The following FAM50B variants were observed in gnomAD, a reference collection of about 807,000 sequenced individuals.
The protein encoded by FAM50B is family with sequence similarity 50 member B.
FAM50B carries 9 observed loss-of-function variants against 25.4 expected under a neutral mutation model. That is an observed-to-expected ratio of 0.35 (90% CI 0.21 to 0.62). The LOEUF is 0.62. Among genes scored for constraint, FAM50B ranks in the 20% least tolerant of loss-of-function variants. The pLI, the probability that FAM50B is intolerant of heterozygous loss-of-function variation, is 0.73. For synonymous variants in FAM50B, 212 were observed against 204.3 expected, an observed-to-expected ratio of 1.04 and a Z score of -0.32; for missense variants, 372 against 477.9, an observed-to-expected ratio of 0.78 and a Z score of 2.07.
the FAM50B span, among the ~76,000 whole-genome samples, chr6:3,835,379 G>A: frequency 2.0e-5 from 3 of 152,290 alleles, no homozygotes; most frequent in East Asian, 5.8e-4. Context: ...CCCCACTATT[G>A]CCCAACCCAG....
At chr6:3,833,751 C>A in the FAM50B span, 1 of 152,126 alleles carries the variant, frequency 6.6e-6, no homozygotes, top group African/African-American at 2.4e-5. Context: ...CATCATGTGG[C>A]CCTAAGGAGT....
In FAM50B at chr6:3,850,081, G is replaced by C. The variant is rs1762187296; in HGVS notation, c.270G>C (p.Lys90Asn). 6.2e-7 allele frequency: 1 copy of C among 1,610,244 alleles called. No individual in the cohort carries two copies. Among genetic ancestry groups the C allele is most frequent in the African/African-American group, 1.3e-5 (1 of 74,868 alleles). Reference sequence around the variant, plus strand: ...GGGAGCGCGAGCGGCAGCTGGCCAAGCGCCAGCACCTGGAGGAGCAGCGGC... The same window carrying C: ...GGGAGCGCGAGCGGCAGCTGGCCAACCGCCAGCACCTGGAGGAGCAGCGGC... ...LVRERERQLA[K>N]RQHLEEQRLQ... The change falls in exon 2 of 2, where the codon AAG becomes AAC. Residue 90 changes from lysine (K) to asparagine (N), a missense_variant. Lys to Asn is a moderately conservative substitution (Grantham distance 94). This residue lies in a region of FAM50B where 224 missense variants were observed against 232.2 expected (regional missense o/e 0.96). Coordinates refer to ENST00000648326, the MANE Select transcript of FAM50B (RefSeq NM_012135.3).
At chr6:3,835,547 C>A in the FAM50B span, among the ~76,000 whole-genome samples, 1 of 152,150 alleles carries the variant, frequency 6.6e-6, no homozygotes, top group African/African-American at 2.4e-5. Context: ...CTTCCACCCC[C>A]GCCACAAGAA....
chr6:3,837,493 G>C, the FAM50B span, among the ~76,000 whole-genome samples: 1 of 152,080 alleles, frequency 6.6e-6, no homozygotes, highest in African/African-American at 2.4e-5. Flanking sequence ...TTTGCCACTT[G>C]GTAAATGCAA....
chr6:3,840,552 G>A, the FAM50B span, among the ~76,000 whole-genome samples: 1 of 152,274 alleles, frequency 6.6e-6, no homozygotes, highest in African/African-American at 2.4e-5. Flanking sequence ...CTAACCAGCT[G>A]GTGTGTTGCA....
In FAM50B at chr6:3,850,729, C is replaced by T; in HGVS notation, c.918C>T (p.Pro306=). 6.2e-7 allele frequency: 1 copy of T among 1,614,070 alleles called. No individual in the cohort carries two copies. Among genetic ancestry groups the T allele is most frequent in the Non-Finnish European group, 8.5e-7 (1 of 1,180,028 alleles). The part of the protein sequence containing the change: ...SWYEKNKHIF[P]ASRWEAYDPE... ...ACGAGAAGAACAAGCACATCTTCCC[C>T]GCCAGCCGCTGGGAGGCCTATGACC... is the stretch of plus-strand genomic sequence containing the variant. The change falls in exon 2 of 2, where the codon CCC becomes CCT. Residue 306 remains proline (P), a synonymous_variant. Transcript: ENST00000648326.
At chr6:3,839,024 T>C in the FAM50B span, among the ~76,000 whole-genome samples, 3 of 151,802 alleles carry the variant, frequency 2.0e-5, no homozygotes, top group Admixed American at 6.6e-5. Flanking sequence ...AAAATATAGG[T>C]ATGCATCAGA....
chr6:3,835,764 G>A, the FAM50B span, among the ~76,000 whole-genome samples: 28 of 152,172 alleles, frequency 1.8e-4, no homozygotes, highest in African/African-American at 6.5e-4. Flanking sequence ...GAAAACTTAC[G>A]TAACTTCCTC....
chr6:3,843,116 T>A, the FAM50B span, among the ~76,000 whole-genome samples: 429 of 152,366 alleles, frequency 2.8e-3, 3 homozygotes, highest in African/African-American at 9.3e-3. Flanking sequence ...GCATCCATAA[T>A]ACACTCTTCT....
upstream of FAM50B, among the ~76,000 whole-genome samples, chr6:3,846,558 A>G (rs1483351266): frequency 6.6e-6 from 1 of 152,212 alleles, no homozygotes; most frequent in Non-Finnish European, 1.5e-5. Context: ...TTCTTAAATC[A>G]ATATTGAGTT....
Position 3,849,376 on chromosome 6 carries a change from T to C in FAM50B, c.-134T>C. On this transcript the variant is annotated 5_prime_UTR_variant, in exon 1 of 2. Transcript: ENST00000648326. ...CGCCAGGGGGCGCACCGCCTCCACT[T>C]CCTGTGTCCACGGCTGTCGCGAGAG... 6.3e-6 allele frequency: 1 copy of C among 158,766 alleles called. No individual in the cohort carries two copies. The highest frequency in any genetic ancestry group is 1.4e-5 in the Non-Finnish European group (1 of 72,538). The allele number at this position is 158,766 out of a possible 1,614,324, so 9.8% of individuals were successfully genotyped here.
chr6:3,849,663 C>G, intron 1 of FAM50B, 126 bp from the exon 2 acceptor site: 1 of 1,359,170 alleles, frequency 7.4e-7, no homozygotes, highest in Non-Finnish European at 9.7e-7. Context: ...GTTACCCTAG[C>G]AGGTCGGCCC....
At chr6:3,839,968 TTTGTTG>T in the FAM50B span, among the ~76,000 whole-genome samples, 7,203 of 150,930 alleles carry the variant, frequency 0.048, 540 homozygotes, top group African/African-American at 0.16. Context: ...AAACCCTGTC[TTTGTTG>T]TTGTTGTTGT....
chr6:3,847,264 T>C (rs1351269977), upstream of FAM50B, among the ~76,000 whole-genome samples: 1 of 152,244 alleles, frequency 6.6e-6, no homozygotes, highest in Non-Finnish European at 1.5e-5. Context: ...TGGCATCTTC[T>C]TCCAATAGAA....
upstream of FAM50B, among the ~76,000 whole-genome samples, chr6:3,848,751 T>C (rs1762153927): frequency 6.6e-6 from 1 of 152,196 alleles, no homozygotes; most frequent in South Asian, 2.1e-4. Flanking sequence ...AAGACACTGC[T>C]ACACTTTAAC....
the FAM50B span, among the ~76,000 whole-genome samples, chr6:3,833,022 G>A: frequency 2.0e-4 from 31 of 152,070 alleles, no homozygotes; most frequent in African/African-American, 5.5e-4. Context: ...CACCACACTC[G>A]GCTAATTTTG....
the FAM50B span, among the ~76,000 whole-genome samples, chr6:3,834,741 G>A: frequency 6.6e-6 from 1 of 152,072 alleles, no homozygotes; most frequent in Non-Finnish European, 1.5e-5. Flanking sequence ...AATATATTTT[G>A]ATATAGTCTT....
At chr6:3,843,948 C>T in the FAM50B span, among the ~76,000 whole-genome samples, 1 of 152,172 alleles carries the variant, frequency 6.6e-6, no homozygotes, top group Non-Finnish European at 1.5e-5. Context: ...GCACGCCCTA[C>T]ACCCAGGCCA....
At chr6:3,848,794 C>T (rs1377679276), upstream of FAM50B, among the ~76,000 whole-genome samples, 1 of 152,090 alleles carries the variant, frequency 6.6e-6, no homozygotes, top group Admixed American at 6.6e-5. Context: ...GCTTAGAACC[C>T]GGGGGAAACT....
Sources: gnomAD v4.1 joint callset for allele counts (sites outside exome capture counted in the v4.1 genomes callset) on GRCh38, gnomAD v4.1.1 for gene constraint, gnomAD v4.1.1 regional missense constraint, MANE v1.5 for transcripts, NCBI Gene and HGNC (gene_info 2026-07-23, HGNC 2026-07-21) for gene names.